AP1M2: variants seen among roughly 807,000 people sequenced by gnomAD.
The protein encoded by AP1M2 is adaptor related protein complex 1 subunit mu 2.
A neutral mutation model predicts 54.6 loss-of-function variants in AP1M2; 41 were observed. The ratio of observed to expected loss-of-function variants is 0.75; its 90% confidence interval spans 0.59 to 0.97. The LOEUF (loss-of-function observed/expected upper bound fraction) is 0.97, where lower values mean the gene tolerates loss of function less well. AP1M2 is among the 50% of genes least tolerant of loss of function. The pLI is 0.00. For missense variants in AP1M2, 507 were observed against 561.2 expected (o/e 0.90, Z 0.98); for synonymous variants, 219 against 215.9 (o/e 1.01, Z -0.13).
intron 8 of AP1M2, 89 bp from the exon 9 acceptor site, chr19:10,577,445 T>TTTTTTTTTTC: frequency 8.9e-7 from 1 of 1,117,762 alleles, no homozygotes; most frequent in African/African-American, 1.8e-5. Flanking sequence ...TTTTTTTTTT[T>TTTTTTTTTTC]TTTTTTGAGA....
rs547426191 is a variant in AP1M2, at chr19:10,573,141, G to A, written c.1250-53C>T. The A allele has an allele frequency of 1.6e-4, 241 of 1,503,838 alleles. No homozygotes were observed. The African/African-American group carries it at 2.6e-3, about 16-fold the overall frequency. 93.2% of individuals were successfully genotyped at this position (1,503,838 alleles called of 1,614,324 possible). On this transcript the variant is annotated intron_variant, in intron 11 of 11. Coordinates refer to ENST00000250244, the MANE Select transcript of AP1M2 (RefSeq NM_005498.5). ...TCTCAGAAATGGGGAGAGGGGGGCC[G>A]GGCACGGTGACTCACGCTTATAATC...
chr19:10,584,153 C>G, intron 1 of AP1M2, 83 bp from the exon 2 acceptor site: 1 of 1,491,622 alleles, frequency 6.7e-7, no homozygotes. Context: ...CGGTTCTGAC[C>G]CTACTTCCTA....
At chr19:10,585,308 AAAG>A (rs1917612766) in intron 1 of AP1M2, among the ~76,000 whole-genome samples, 1 of 147,096 alleles carries the variant, frequency 6.8e-6, no homozygotes. Context: ...AGAAAGAAAG[AAAG>A]AAAGAAAGAA....
chr19:10,577,422 CCTTTTTTT>C, intron 8 of AP1M2, 66 bp from the exon 9 acceptor site: 1 of 478,924 alleles, frequency 2.1e-6, no homozygotes, highest in Non-Finnish European at 3.2e-6. Flanking sequence ...TTTACCAAGC[CCTTTTTTT>C]TTTTTTTTTT....
chr19:10,578,949 G>C lies in AP1M2; in HGVS notation c.831C>G (p.Ile277Met). The change falls in exon 8 of 12, where the codon ATC becomes ATG. Residue 277 changes from isoleucine to methionine, a missense_variant. Transcript: ENST00000250244. ...YRLSTQVKPLIWIESVIEKFS... is the reference protein window; with the variant it reads ...YRLSTQVKPLMWIESVIEKFS... ...ACTTCTCAATGACAGACTCAATCCA[G>C]ATCAGTGGCTTGACCTGTGGGAAGA... 3 of 1,605,886 alleles carry C rather than the reference G, an allele frequency of 1.9e-6. No individual in the cohort carries two copies. Among genetic ancestry groups the C allele is most frequent in the Non-Finnish European group, 2.6e-6 (3 of 1,176,192 alleles).
intron 1 of AP1M2, among the ~76,000 whole-genome samples, chr19:10,586,378 C>T (rs1473991481): frequency 6.0e-5 from 9 of 149,240 alleles, no homozygotes; most frequent in Non-Finnish European, 1.3e-4. Flanking sequence ...TTGCTTCAAC[C>T]CGGGAGGTGG....
At position 10,581,412 on chromosome 19, in the gene AP1M2, A is replaced by G. The variant is rs375874112; in HGVS notation, c.547-20T>C. 7 of 1,609,872 alleles carry G rather than the reference A, an allele frequency of 4.3e-6. No individual in the cohort carries two copies. Among genetic ancestry groups the G allele is most frequent in the East Asian group, 2.2e-5 (1 of 44,712 alleles). The stretch of plus-strand genomic sequence containing the variant: ...ATTGACCTGAGGGAGGACGTTGGGT[A>G]TAGTTAGCAGGCATCAAACTCCGTC... On this transcript the variant is annotated intron_variant, in intron 5 of 11. Coordinates refer to ENST00000250244, the MANE Select transcript of AP1M2 (RefSeq NM_005498.5).
At chr19:10,585,268 GAAAGAAAGAAGAAAAAAAGAAAGAAAGA>G (rs1367521687) in intron 1 of AP1M2, among the ~76,000 whole-genome samples, 1 of 104,540 alleles carries the variant, frequency 9.6e-6, no homozygotes, top group Non-Finnish European at 2.0e-5. Context: ...AAGAAGGAAA[GAAAGAAAGAAGAAAAAAAGAAAGAAAGA>G]AAGAAAGAAA....
intron 3 of AP1M2, among the ~76,000 whole-genome samples, chr19:10,582,410 G>A (rs115847718): frequency 0.016 from 2,444 of 152,102 alleles, 56 homozygotes; most frequent in African/African-American, 0.055. Context: ...TGAGCCATGA[G>A]GATGCTACTG....
rs375010828 is a variant in AP1M2 at position 10,575,029 on chromosome 19, C to G, written c.1048G>C (p.Gly350Arg). ...GCTCGCATCAAGTACTCCTTGCCCC[C>G]CTGAGGGAACATGGGGGCATCAGGT... ...VVIWSIKSFP[G>R]GKEYLMRAHF... The change falls in exon 10 of 12, where the codon GGG becomes CGG. Residue 350 changes from glycine to arginine, a missense_variant and splice_region_variant. Coordinates refer to ENST00000250244, the MANE Select transcript of AP1M2 (RefSeq NM_005498.5). 28 of 1,502,982 alleles carry G rather than the reference C, an allele frequency of 1.9e-5. No homozygotes were observed. The highest frequency in any genetic ancestry group is 6.8e-5 in the Admixed American group (3 of 44,340). 93.1% of individuals were successfully genotyped at this position (1,502,982 alleles called of 1,614,324 possible).
intron 3 of AP1M2, 86 bp from the exon 4 acceptor site, chr19:10,581,964 G>A: frequency 1.4e-6 from 2 of 1,422,200 alleles, no homozygotes; most frequent in Non-Finnish European, 1.9e-6. Context: ...AGCACCTTGG[G>A]AGGCCAAGGC....
In AP1M2 at chr19:10,585,286, A is replaced by AGAAAGAAG. The variant is rs1917605556; in HGVS notation, c.43-1217_43-1216insCTTCTTTC. Among the ~76,000 whole-genome samples, 6 of 58,092 alleles carry AGAAAGAAG rather than the reference A, an allele frequency of 1.0e-4. 1 individual carries two copies. Among genetic ancestry groups the AGAAAGAAG allele is most frequent in the African/African-American group, 1.4e-4 (2 of 14,504 alleles). The allele number at this position is 58,092 out of a possible 152,430, so 38.1% of individuals were successfully genotyped here. Reference sequence around the variant, plus strand: ...AAGGAAAGAAAGAAAGAAGAAAAAAAGAAAGAAAGAAAGAAAGAAAGAAAG... The same window carrying AGAAAGAAG: ...AAGGAAAGAAAGAAAGAAGAAAAAAAGAAAGAAGGAAAGAAAGAAAGAAAGAAAGAAAG... On this transcript the variant is annotated intron_variant, in intron 1 of 11. Transcript: ENST00000250244.
chr19:10,579,985 CA>C, intron 6 of AP1M2, 127 bp from the exon 7 acceptor site: 1 of 811,800 alleles, frequency 1.2e-6, no homozygotes. Context: ...AGAGAATGAG[CA>C]AAAACTGGCA....
chr19:10,584,147 T>C (rs1469643272), intron 1 of AP1M2, 77 bp from the exon 2 acceptor site: 10 of 1,513,108 alleles, frequency 6.6e-6, no homozygotes, highest in Non-Finnish European at 2.7e-6. Flanking sequence ...AGTGCCCGGT[T>C]CTGACCCTAC....
At chr19:10,577,086 C>A in intron 9 of AP1M2, 112 bp downstream of exon 9, 1 of 1,253,936 alleles carries the variant, frequency 8.0e-7, no homozygotes, top group Non-Finnish European at 1.1e-6. Context: ...AGCCATCACA[C>A]CTGACTGGGT....
intron 11 of AP1M2, 27 bp downstream of exon 11, chr19:10,574,390 T>C (rs1201207196): frequency 1.3e-6 from 2 of 1,529,548 alleles, no homozygotes; most frequent in Non-Finnish European, 1.8e-6. Flanking sequence ...CCTCACCCCA[T>C]TGTCCCCAGG....
At chr19:10,585,341 A>AAG (rs1917622028) in intron 1 of AP1M2, among the ~76,000 whole-genome samples, 1 of 149,874 alleles carries the variant, frequency 6.7e-6, no homozygotes, top group Admixed American at 6.6e-5. Flanking sequence ...GAAAGAAAGA[A>AAG]AGAAAGAAAG....
intron 11 of AP1M2, among the ~76,000 whole-genome samples, chr19:10,573,750 C>G (rs1940022143): frequency 6.7e-6 from 1 of 150,058 alleles, no homozygotes; most frequent in Non-Finnish European, 1.5e-5. Flanking sequence ...CAGCCTCGAC[C>G]TCCTGGGCTC....
At chr19:10,576,645 C>G (rs1396287746) in intron 9 of AP1M2, among the ~76,000 whole-genome samples, 1 of 151,912 alleles carries the variant, frequency 6.6e-6, no homozygotes, top group Admixed American at 6.6e-5. Context: ...GTGATCTGCC[C>G]GCTTCAGCCT....
Sources: allele counts gnomAD v4.1 joint callset (sites outside exome capture counted in the v4.1 genomes callset), GRCh38; gene constraint gnomAD v4.1.1; transcripts MANE v1.5; gene names NCBI Gene and HGNC (gene_info 2026-07-23, HGNC 2026-07-21).